MGLL: variants seen among roughly 807,000 people sequenced by gnomAD.
MGLL encodes lysophospholipase homolog.
In MGLL, 7 loss-of-function variants were observed where a neutral mutation model predicts 29.1. That is an observed-to-expected ratio of 0.24 (90% CI 0.14 to 0.45). MGLL has a LOEUF of 0.45. Ranked by LOEUF, MGLL falls within the 20% of genes least tolerant of loss-of-function variation. The pLI is 0.99. For missense variants in MGLL, 356 were observed against 413.6 expected, an observed-to-expected ratio of 0.86 and a Z score of 1.21; for synonymous variants, 148 against 168.3, an observed-to-expected ratio of 0.88 and a Z score of 0.93.
At chr3:127,815,159 G>A (rs942440380) in intron 2 of MGLL, among the ~76,000 whole-genome samples, 1 of 152,118 alleles carries the variant, frequency 6.6e-6, no homozygotes, top group Non-Finnish European at 1.5e-5. Context: ...AACTGGTGAC[G>A]TCTGAAATGT....
chr3:127,787,617 C>T (rs2077235632), intron 2 of MGLL, among the ~76,000 whole-genome samples: 1 of 152,200 alleles, frequency 6.6e-6, no homozygotes, highest in Admixed American at 6.5e-5. Flanking sequence ...GGTGGGGATG[C>T]CACCAGTCCT....
rs545588987 is a variant in MGLL at position 127,764,703 on chromosome 3, G to A, written c.262+17086C>T. On this transcript the variant is annotated intron_variant, in intron 3 of 7. Transcript: ENST00000265052. Reference sequence around the variant, plus strand: ...AGAATTCTTATAAATACTCCATGCCGTAGGTAATATCACACCACTTTTCAA... The same window carrying A: ...AGAATTCTTATAAATACTCCATGCCATAGGTAATATCACACCACTTTTCAA... Among the ~76,000 whole-genome samples, 56 of 152,308 alleles carry A rather than the reference G, an allele frequency of 3.7e-4. 1 individual carries two copies. In the South Asian group the frequency reaches 0.011, roughly 29 times the overall value.
intron 3 of MGLL, chr3:127,736,156 G>C: frequency 9.3e-7 from 1 of 1,078,592 alleles, no homozygotes; most frequent in Non-Finnish European, 1.1e-6. Context: ...CAGACACCTG[G>C]CAACCCAAGT....
intron 6 of MGLL, among the ~76,000 whole-genome samples, chr3:127,699,948 C>T (rs943482212): frequency 6.6e-6 from 1 of 152,200 alleles, no homozygotes; most frequent in Non-Finnish European, 1.5e-5. Context: ...ACCCAGCAGG[C>T]TTCATCCCTG....
At chr3:127,728,933 G>A (rs566832059) in intron 3 of MGLL, among the ~76,000 whole-genome samples, 1 of 152,252 alleles carries the variant, frequency 6.6e-6, no homozygotes, top group South Asian at 2.1e-4. Context: ...GAGACAAAGT[G>A]TGGGTTGAAC....
chr3:127,722,407 T>G lies in MGLL; in HGVS notation c.399+23A>C, dbSNP rs1333603279. 4 of 1,614,054 alleles carry G rather than the reference T, an allele frequency of 2.5e-6. No individual in the cohort carries two copies. The South Asian group carries it at 4.4e-5, about 18-fold the overall frequency. On this transcript the variant is annotated intron_variant, in intron 4 of 7. Transcript: ENST00000265052. The stretch of plus-strand genomic sequence containing the variant: ...GCTGGAAGCCAGGGTGGATTTAACC[T>G]GGGTCTTCTGTGGTCTGCTTACCAT...
intron 3 of MGLL, among the ~76,000 whole-genome samples, chr3:127,762,293 C>A (rs1381079668): frequency 6.6e-6 from 1 of 152,060 alleles, no homozygotes; most frequent in Admixed American, 6.6e-5. Flanking sequence ...AGCATTACAG[C>A]CGTTTATTTT....
intron 3 of MGLL, among the ~76,000 whole-genome samples, chr3:127,748,408 A>AAG (rs748224127): frequency 0.02 from 2,770 of 137,764 alleles, 80 homozygotes; most frequent in African/African-American, 0.068. Context: ...GAGAGAGAGA[A>AAG]AGAGAGAGAG....
At chr3:127,704,497 C>G (rs1038254514) in intron 6 of MGLL, among the ~76,000 whole-genome samples, 24 of 152,102 alleles carry the variant, frequency 1.6e-4, no homozygotes, top group African/African-American at 5.6e-4. Context: ...ATCTATCCAC[C>G]TGACAAAGGT....
intron 2 of MGLL, among the ~76,000 whole-genome samples, chr3:127,787,629 G>A (rs1459428503): frequency 1.3e-5 from 2 of 152,232 alleles, no homozygotes; most frequent in East Asian, 3.8e-4. Context: ...ACCAGTCCTG[G>A]GTGAGGGGAG....
intron 3 of MGLL, among the ~76,000 whole-genome samples, chr3:127,737,929 A>C (rs1241815995): frequency 2.0e-5 from 3 of 151,764 alleles, no homozygotes; most frequent in Non-Finnish European, 4.4e-5. Flanking sequence ...CCGCCCATCA[A>C]CTCCTTCTTA....
chr3:127,755,362 T>C (rs1360593668), intron 3 of MGLL, among the ~76,000 whole-genome samples: 7 of 152,134 alleles, frequency 4.6e-5, no homozygotes. Flanking sequence ...ATAGCATGCC[T>C]CTCCCACCCA....
At chr3:127,797,059 G>A (rs571697023) in intron 2 of MGLL, among the ~76,000 whole-genome samples, 2 of 152,208 alleles carry the variant, frequency 1.3e-5, no homozygotes, top group East Asian at 3.9e-4. Context: ...GCAATCCACT[G>A]GTGTGCTTGA....
intron 2 of MGLL, among the ~76,000 whole-genome samples, chr3:127,821,457 C>T (rs964749743): frequency 1.3e-5 from 2 of 152,114 alleles, no homozygotes; most frequent in Non-Finnish European, 2.9e-5. Flanking sequence ...AATTGCCATA[C>T]GGTAGGATCC....
intron 6 of MGLL, among the ~76,000 whole-genome samples, chr3:127,707,765 C>T (rs1030828734): frequency 6.6e-6 from 1 of 152,218 alleles, no homozygotes; most frequent in African/African-American, 2.4e-5. Context: ...AAAAAGTCCT[C>T]TTATGCCTTT....
chr3:127,775,907 C>T (rs781563283), intron 3 of MGLL, among the ~76,000 whole-genome samples: 1 of 152,236 alleles, frequency 6.6e-6, no homozygotes, highest in Non-Finnish European at 1.5e-5. Flanking sequence ...CTCCTTGCCC[C>T]CTCTGGGTGA....
intron 2 of MGLL, among the ~76,000 whole-genome samples, chr3:127,808,160 A>T (rs563288948): frequency 9.9e-5 from 15 of 152,182 alleles, no homozygotes; most frequent in Non-Finnish European, 2.2e-4. Context: ...CCATTTCCAG[A>T]TCTATGATGA....
chr3:127,788,695 C>T (rs574232154), intron 2 of MGLL, among the ~76,000 whole-genome samples: 69 of 152,332 alleles, frequency 4.5e-4, no homozygotes, highest in African/African-American at 1.6e-3. Context: ...GCTTCCCCAA[C>T]ACTGAGGTAG....
intron 3 of MGLL, among the ~76,000 whole-genome samples, chr3:127,774,264 C>T (rs1576270019): frequency 1.3e-5 from 2 of 152,256 alleles, no homozygotes; most frequent in Non-Finnish European, 2.9e-5. Flanking sequence ...CCACCCAGAC[C>T]TTTGCAAGAA....
Sources: gnomAD v4.1 joint callset for allele counts (sites outside exome capture counted in the v4.1 genomes callset) on GRCh38, gnomAD v4.1.1 for gene constraint, MANE v1.5 for transcripts, NCBI Gene and HGNC (gene_info 2026-07-23, HGNC 2026-07-21) for gene names.